The following GAS2 variants were observed in gnomAD, a reference collection of about 807,000 sequenced individuals.
GAS2 encodes the protein growth arrest specific 2, also known as growth arrest-specific protein 2.
A neutral mutation model predicts 37.5 loss-of-function variants in GAS2; 20 were observed. That is an observed-to-expected ratio of 0.53 (90% CI 0.37 to 0.77). GAS2 has a LOEUF of 0.77. Among genes scored for constraint, GAS2 ranks in the 30% least tolerant of loss-of-function variants. The pLI, the probability that GAS2 is intolerant of heterozygous loss-of-function variation, is 0.00. For synonymous variants in GAS2, 144 were observed against 132.2 expected (o/e 1.09, Z -0.61); for missense variants, 336 against 373.4 (o/e 0.90, Z 0.82).
intron 7 of GAS2, among the ~76,000 whole-genome samples, chr11:22,811,199 A>T (rs1462332109): frequency 6.6e-6 from 1 of 152,206 alleles, no homozygotes; most frequent in African/African-American, 2.4e-5. Flanking sequence ...TTTAAAAGAC[A>T]TATTCTACGA....
At chr11:22,636,127 C>G (rs1333123277) in intron 1 of GAS2, among the ~76,000 whole-genome samples, 1 of 151,928 alleles carries the variant, frequency 6.6e-6, no homozygotes, top group Non-Finnish European at 1.5e-5. Flanking sequence ...TTGTTTTTTT[C>G]AGTTTTCCTG....
intron 7 of GAS2, among the ~76,000 whole-genome samples, chr11:22,802,638 C>G (rs939472948): frequency 1.6e-4 from 25 of 151,952 alleles, no homozygotes; most frequent in Admixed American, 1.2e-3. Context: ...ACCTAACATG[C>G]AAAAACTACT....
chr11:22,779,871 T>C (rs1458235654), intron 7 of GAS2, among the ~76,000 whole-genome samples: 2 of 152,150 alleles, frequency 1.3e-5, no homozygotes, highest in Non-Finnish European at 2.9e-5. Flanking sequence ...CTCCCCAAAT[T>C]AGGCCACTGT....
intron 2 of GAS2, among the ~76,000 whole-genome samples, chr11:22,677,333 A>C (rs4474433): frequency 0.55 from 84,048 of 151,562 alleles, 25,849 homozygotes; most frequent in East Asian, 0.76. Flanking sequence ...GGTAGGAAGG[A>C]GCTTGGTACA....
At chr11:22,642,798 T>C (rs1440776212) in intron 1 of GAS2, among the ~76,000 whole-genome samples, 1 of 152,210 alleles carries the variant, frequency 6.6e-6, no homozygotes, top group South Asian at 2.1e-4. Flanking sequence ...GTATGTTTTA[T>C]AGGTATATGA....
At chr11:22,682,888 G>GAAAAAAAAAAAAAAAA (rs57025584) in intron 2 of GAS2, among the ~76,000 whole-genome samples, 2 of 102,364 alleles carry the variant, frequency 2.0e-5, no homozygotes, top group Non-Finnish European at 4.1e-5. Context: ...AAAAAAAAAG[G>GAAAAAAAAAAAAAAAA]AAAAAAAAAA....
intron 2 of GAS2, 32 bp downstream of exon 2, chr11:22,675,046 AG>A: frequency 6.2e-7 from 1 of 1,605,698 alleles, no homozygotes; most frequent in Non-Finnish European, 8.5e-7. Flanking sequence ...TTGTGAGCAA[AG>A]ACAACAGTTT....
At chr11:22,701,057 AG>A (rs1320409072) in intron 3 of GAS2, among the ~76,000 whole-genome samples, 1 of 152,176 alleles carries the variant, frequency 6.6e-6, no homozygotes, top group Non-Finnish European at 1.5e-5. Flanking sequence ...TGTCTGCCAA[AG>A]CACTATTTAA....
At chr11:22,715,437 G>T (rs939092477) in intron 3 of GAS2, among the ~76,000 whole-genome samples, 1 of 125,902 alleles carries the variant, frequency 7.9e-6, no homozygotes, top group African/African-American at 3.1e-5. Flanking sequence ...CTCCAGTCTG[G>T]GTGACAGAGC....
At chr11:22,725,739 T>G (rs1293288089) in intron 3 of GAS2, among the ~76,000 whole-genome samples, 1 of 152,130 alleles carries the variant, frequency 6.6e-6, no homozygotes, top group Non-Finnish European at 1.5e-5. Context: ...TATCATGACA[T>G]TATTTTTTAA....
rs186198392 is a variant in GAS2 at position 22,638,046 on chromosome 11, T to G, written c.-21+12233T>G. ...CTAATATAAGCCCTTTGGAATACTG[T>G]GTGGTGCAAATACTCAATGAACATT... is the stretch of plus-strand genomic sequence containing the variant. On this transcript the variant is annotated intron_variant, in intron 1 of 5. Coordinates refer to the GAS2 transcript ENST00000528582. Among the ~76,000 whole-genome samples, 24 of 152,190 alleles carry G rather than the reference T, an allele frequency of 1.6e-4. 1 individual carries two copies. Among genetic ancestry groups the G allele is most frequent in the Admixed American group, 1.5e-3 (23 of 15,264 alleles).
intron 7 of GAS2, among the ~76,000 whole-genome samples, chr11:22,796,509 G>T (rs1299094657): frequency 6.6e-6 from 1 of 151,888 alleles, no homozygotes; most frequent in Non-Finnish European, 1.5e-5. Context: ...TTTCATTTGA[G>T]TAGGGTTTTA....
chr11:22,760,108 CA>C (rs1384142195), intron 7 of GAS2, among the ~76,000 whole-genome samples: 4 of 151,618 alleles, frequency 2.6e-5, no homozygotes, highest in Admixed American at 2.6e-4. Flanking sequence ...CAGTGTGTAC[CA>C]TCACACCCAA....
rs61752921 is a variant in GAS2, at chr11:22,755,861, G to A, written c.631G>A (p.Glu211Lys). ...TCTATTTCAGGTGAAACGAATTTCT[G>A]AAGATCCTCCTTGCAAATGCCCAAA... The part of the protein sequence containing the change: ...LLDDAVKRIS[E>K]DPPCKCPNKF... Residue 211 changes from glutamate (E) to lysine (K), a missense_variant, in exon 7 of 8, where the codon GAA (glutamate) becomes AAA (lysine). Glu to Lys is a moderately conservative substitution (Grantham distance 56, BLOSUM62 1). Transcript: ENST00000454584. 41 of 1,612,592 alleles carry A rather than the reference G, an allele frequency of 2.5e-5. No individual in the cohort carries two copies. Among genetic ancestry groups the A allele is most frequent in the Admixed American group, 1.2e-4 (7 of 59,904 alleles).
At chr11:22,779,760 T>TTC (rs1448196504) in intron 7 of GAS2, among the ~76,000 whole-genome samples, 3 of 152,124 alleles carry the variant, frequency 2.0e-5, no homozygotes, top group African/African-American at 7.2e-5. Flanking sequence ...CAGTAACTCT[T>TTC]TCTGGAATGT....
At chr11:22,789,677 G>C (rs12364505) in intron 7 of GAS2, among the ~76,000 whole-genome samples, 2 of 150,936 alleles carry the variant, frequency 1.3e-5, no homozygotes, top group Non-Finnish European at 2.9e-5. Flanking sequence ...GCGTTAACCA[G>C]AATGGTCGCG....
intron 7 of GAS2, among the ~76,000 whole-genome samples, chr11:22,790,750 A>C (rs1856115516): frequency 6.6e-6 from 1 of 152,086 alleles, no homozygotes; most frequent in Non-Finnish European, 1.5e-5. Flanking sequence ...GGCGTGAGCC[A>C]CCACACCCAG....
At chr11:22,725,095 A>C (rs543101069) in intron 3 of GAS2, among the ~76,000 whole-genome samples, 12 of 152,206 alleles carry the variant, frequency 7.9e-5, no homozygotes, top group African/African-American at 2.9e-4. Flanking sequence ...ACCCGAAGTC[A>C]TGCTCATTCT....
At chr11:22,805,249 A>G (rs1323404726) in intron 7 of GAS2, among the ~76,000 whole-genome samples, 1 of 152,164 alleles carries the variant, frequency 6.6e-6, no homozygotes, top group Admixed American at 6.6e-5. Context: ...AAATTGACAG[A>G]TAAAATTATA....
Sources: allele counts gnomAD v4.1 joint callset (sites outside exome capture counted in the v4.1 genomes callset), GRCh38; gene constraint gnomAD v4.1.1; transcripts MANE v1.5; gene names NCBI Gene and HGNC (gene_info 2026-07-23, HGNC 2026-07-21).